The following MTMR3 variants were observed in gnomAD, a reference collection of about 807,000 sequenced individuals.
MTMR3 encodes the protein phosphatidylinositol-3,5-bisphosphate 3-phosphatase MTMR3.
MTMR3 carries 32 observed loss-of-function variants against 132.4 expected under a neutral mutation model. That is an observed-to-expected ratio of 0.24 (90% CI 0.18 to 0.32). The LOEUF is 0.32. MTMR3 is among the 10% of genes least tolerant of loss of function. The pLI is 1.00. For synonymous variants in MTMR3, 556 were observed against 550.3 expected (o/e 1.01, Z -0.14); for missense variants, 1,216 against 1,489.6 (o/e 0.82, Z 3.02).
intron 18 of MTMR3, 81 bp downstream of exon 18, chr22:30,022,220 C>A: frequency 8.6e-7 from 1 of 1,163,824 alleles, no homozygotes. Context: ...CACCCCATAC[C>A]CCTGGCCAAG....
chr22:30,018,343 C>T, intron 16 of MTMR3: 2 of 375,652 alleles, frequency 5.3e-6, no homozygotes, highest in Non-Finnish European at 9.4e-6. Flanking sequence ...TCCAGTTTTT[C>T]TGTGACCCCC....
intron 1 of MTMR3, among the ~76,000 whole-genome samples, chr22:29,912,433 G>A (rs531218163): frequency 1.3e-5 from 2 of 152,162 alleles, no homozygotes; most frequent in South Asian, 2.1e-4. Flanking sequence ...ACAGGTGTGC[G>A]CTACCATGCC....
chr22:30,016,397 C>A (rs753080585), intron 14 of MTMR3, 131 bp from the exon 15 acceptor site: 1 of 1,040,314 alleles, frequency 9.6e-7, no homozygotes. Context: ...GCATGGCTTA[C>A]TGGGTTCCCC....
At chr22:30,012,207 C>G (rs2067450168) in intron 12 of MTMR3, 161 bp from the exon 13 acceptor site, 1 of 704,084 alleles carries the variant, frequency 1.4e-6, no homozygotes, top group Admixed American at 2.9e-5. Context: ...TGGGCCTCAT[C>G]CTGAGACATG....
At chr22:30,009,713 C>T (rs1165736490) in intron 12 of MTMR3, 1 of 152,308 alleles carries the variant, frequency 6.6e-6, no homozygotes, top group African/African-American at 2.4e-5. Flanking sequence ...AACTAATACC[C>T]CCTCCAAGGG....
At chr22:29,893,714 G>T (rs780370808) in intron 1 of MTMR3, among the ~76,000 whole-genome samples, 1 of 151,962 alleles carries the variant, frequency 6.6e-6, no homozygotes, top group South Asian at 2.1e-4. Flanking sequence ...GCCATGAATG[G>T]AAATATTAGT....
chr22:29,972,125 T>C (rs776884891), intron 3 of MTMR3, among the ~76,000 whole-genome samples: 2 of 152,256 alleles, frequency 1.3e-5, no homozygotes, highest in Non-Finnish European at 2.9e-5. Context: ...ATTTATCTTA[T>C]ACCTAAACAT....
intron 1 of MTMR3, among the ~76,000 whole-genome samples, chr22:29,928,570 A>G (rs182227286): frequency 9.9e-5 from 15 of 152,102 alleles, no homozygotes; most frequent in Middle Eastern, 3.4e-3. Flanking sequence ...TTCTTTTTAA[A>G]TATGCTGTAC....
intron 1 of MTMR3, among the ~76,000 whole-genome samples, chr22:29,929,688 A>G (rs140442418): frequency 6.1e-4 from 93 of 151,574 alleles, no homozygotes; most frequent in African/African-American, 2.1e-3. Context: ...TTTTTTTTGT[A>G]TTTTTAGCAG....
intron 2 of MTMR3, among the ~76,000 whole-genome samples, chr22:29,966,340 T>C (rs2066414444): frequency 6.6e-6 from 1 of 152,204 alleles, no homozygotes; most frequent in Non-Finnish European, 1.5e-5. Context: ...TCTCAGCTTA[T>C]ACTTTGAATA....
chr22:29,986,500 T>C, intron 5 of MTMR3: 1 of 770,850 alleles, frequency 1.3e-6, no homozygotes, highest in Non-Finnish European at 1.6e-6. Flanking sequence ...GTAGGTTTGT[T>C]TGTTTTTTTT....
Position 29,979,026 on chromosome 22 carries a change from A to G in MTMR3, c.184A>G (p.Ile62Val). Residue 62 changes from isoleucine to valine, a missense_variant, in exon 5 of 20, where the codon ATC becomes GTC. Transcript: ENST00000401950. Reference protein sequence around the residue: ...IIALSNYRLHIKFKESLVNVP... With the variant: ...IIALSNYRLHVKFKESLVNVP... The stretch of plus-strand genomic sequence containing the variant: ...TGCCCTTTCCAATTACAGACTTCAC[A>G]TCAAGTTCAAGGAGTCTCTTGTTAA... The G allele has an allele frequency of 3.7e-6, 6 of 1,612,524 alleles. No individual in the cohort carries two copies. Among genetic ancestry groups the G allele is most frequent in the Non-Finnish European group, 5.1e-6 (6 of 1,178,586 alleles).
rs56773543 is a variant in MTMR3, at chr22:29,949,445, G to A, written c.-137-7591G>A. Among the ~76,000 whole-genome samples, 1,006 of 145,208 alleles carry A rather than the reference G, an allele frequency of 6.9e-3. 38 individuals carry two copies. The East Asian group carries it at 0.13, about 18-fold the overall frequency. ...CAGGAGGCAGAGGTTGCAGTGAGCC[G>A]AGATCATGCCACTGCACTCAAGCCT... is the stretch of plus-strand genomic sequence containing the variant. On this transcript the variant is annotated intron_variant, in intron 1 of 19. Transcript: ENST00000401950.
intron 1 of MTMR3, among the ~76,000 whole-genome samples, chr22:29,906,625 C>T (rs1318087805): frequency 3.3e-5 from 5 of 152,084 alleles, no homozygotes; most frequent in South Asian, 4.1e-4. Flanking sequence ...GATGAACCAC[C>T]GTGCCTGGCC....
chr22:29,897,354 C>T (rs530221210), intron 1 of MTMR3, among the ~76,000 whole-genome samples: 8 of 151,964 alleles, frequency 5.3e-5, no homozygotes, highest in Admixed American at 5.2e-4. Context: ...GGATTACAGG[C>T]GTAAGCCACC....
At chr22:30,004,953 A>T (rs1439469129) in intron 9 of MTMR3, 1 of 152,250 alleles carries the variant, frequency 6.6e-6, no homozygotes, top group Non-Finnish European at 1.5e-5. Context: ...TCCTACTGTG[A>T]TGAGAGAGCA....
chr22:30,007,234 C>T lies in MTMR3; in HGVS notation c.792C>T (p.Asp264=). Reference sequence around the variant, plus strand: ...CAGTAGCCAAAGCTTGTGCCTCTGACTCCCGATCGAGTGGCAGCAAGCTGT... The same window carrying T: ...CAGTAGCCAAAGCTTGTGCCTCTGATTCCCGATCGAGTGGCAGCAAGCTGT... ...VQSVAKACAS[D]SRSSGSKLST... is the part of the protein sequence containing the mutation. The change falls in exon 10 of 20, where the codon GAC becomes GAT. Residue 264 remains aspartate, a synonymous_variant. Coordinates refer to ENST00000401950, the MANE Select transcript of MTMR3 (RefSeq NM_021090.4). 5 of 1,614,226 alleles carry T rather than the reference C, an allele frequency of 3.1e-6. No homozygotes were observed. The highest frequency in any genetic ancestry group is 3.4e-6 in the Non-Finnish European group (4 of 1,180,034).
chr22:29,965,410 A>C (rs1380428107), intron 2 of MTMR3, among the ~76,000 whole-genome samples: 20 of 152,196 alleles, frequency 1.3e-4, no homozygotes, highest in Non-Finnish European at 1.5e-5. Context: ...TTAAAAAATT[A>C]GAGTAGGCCA....
intron 2 of MTMR3, among the ~76,000 whole-genome samples, chr22:29,964,248 G>A (rs1337410551): frequency 1.3e-5 from 2 of 152,104 alleles, no homozygotes; most frequent in East Asian, 3.8e-4. Flanking sequence ...ACCACTGTGG[G>A]GTTCACATTT....
Sources: allele counts gnomAD v4.1 joint callset (sites outside exome capture counted in the v4.1 genomes callset), GRCh38; gene constraint gnomAD v4.1.1; transcripts MANE v1.5; gene names NCBI Gene and HGNC (gene_info 2026-07-23, HGNC 2026-07-21).